LRP1B: variants seen among roughly 807,000 people sequenced by gnomAD.
LRP1B encodes LDL receptor related protein 1B.
A neutral mutation model predicts 556.6 loss-of-function variants in LRP1B; 217 were observed. The observed-to-expected ratio is 0.39, with a 90% CI of 0.35 to 0.44. LRP1B has a LOEUF of 0.44. Among genes scored for constraint, LRP1B ranks in the 20% least tolerant of loss-of-function variants. The pLI, the probability that LRP1B is intolerant of heterozygous loss-of-function variation, is 1.00. For synonymous variants in LRP1B, 2,047 were observed against 1,865.8 expected, an observed-to-expected ratio of 1.10 and a Z score of -2.50; for missense variants, 5,053 against 5,620.8, an observed-to-expected ratio of 0.90 and a Z score of 3.23.
intron 3 of LRP1B, among the ~76,000 whole-genome samples, chr2:141,387,186 TA>T (rs746386606): frequency 3.3e-5 from 5 of 151,840 alleles, no homozygotes; most frequent in Non-Finnish European, 5.9e-5. Flanking sequence ...ATTATGTTCA[TA>T]AGGAAAGTTG....
chr2:141,722,796 C>T (rs1457978718), intron 2 of LRP1B, among the ~76,000 whole-genome samples: 1 of 151,834 alleles, frequency 6.6e-6, no homozygotes, highest in Non-Finnish European at 1.5e-5. Flanking sequence ...ATCACCTGTA[C>T]AGGAATATGG....
chr2:141,558,297 A>G (rs1037158503), intron 2 of LRP1B, among the ~76,000 whole-genome samples: 22 of 151,866 alleles, frequency 1.4e-4, no homozygotes, highest in Non-Finnish European at 7.4e-5. Context: ...ATGTTAGGAA[A>G]GGCTGCTGGT....
intron 41 of LRP1B, among the ~76,000 whole-genome samples, chr2:140,662,044 A>T (rs73961448): frequency 9.9e-5 from 15 of 152,262 alleles, no homozygotes; most frequent in African/African-American, 3.4e-4. Context: ...AACGAACAAG[A>T]ATAAAGTAGC....
At chr2:140,648,302 T>G (rs1684557025) in intron 41 of LRP1B, among the ~76,000 whole-genome samples, 14 of 148,838 alleles carry the variant, frequency 9.4e-5, no homozygotes, top group African/African-American at 1.2e-4. Flanking sequence ...GGTGGGGGAG[T>G]GGGGAGGGAT....
In LRP1B at chr2:142,003,685, G is replaced by GA. The variant is rs369989220; in HGVS notation, c.82+126962dup. 1.9e-3 allele frequency among the ~76,000 whole-genome samples: 289 copies of GA among 152,336 alleles called. 2 individuals are homozygous for GA. The highest frequency in any genetic ancestry group is 6.8e-3 in the African/African-American group (283 of 41,584). On this transcript the variant is annotated intron_variant, in intron 1 of 90. Transcript: ENST00000389484. ...AGGGTGGAATGGAAGAACGAGGGTAGATGTACAAACTAACCCCAAACAGAC... is the reference window on the plus strand; with the variant it reads ...AGGGTGGAATGGAAGAACGAGGGTAGAATGTACAAACTAACCCCAAACAGAC...
At chr2:140,510,336 A>AT (rs1689599445) in intron 51 of LRP1B, among the ~76,000 whole-genome samples, 1 of 152,192 alleles carries the variant, frequency 6.6e-6, no homozygotes, top group Non-Finnish European at 1.5e-5. Flanking sequence ...AAGCATAGAA[A>AT]TGTCATAGAA....
intron 86 of LRP1B, among the ~76,000 whole-genome samples, chr2:140,267,141 CAGTA>C (rs1183664243): frequency 2.0e-5 from 3 of 151,974 alleles, no homozygotes; most frequent in Non-Finnish European, 1.5e-5. Context: ...GGGTTTAACA[CAGTA>C]AGTGGTACAG....
At chr2:141,813,321 A>G (rs1376001187) in intron 1 of LRP1B, among the ~76,000 whole-genome samples, 1 of 152,140 alleles carries the variant, frequency 6.6e-6, no homozygotes, top group East Asian at 1.9e-4. Context: ...CGGTTAGAGT[A>G]TGGAGGCAGG....
chr2:141,125,915 T>TGTGACTG (rs577174420), intron 7 of LRP1B, among the ~76,000 whole-genome samples: 1,527 of 150,134 alleles, frequency 0.01, 12 homozygotes, highest in Non-Finnish European at 0.016. Flanking sequence ...AGCAAAATTC[T>TGTGACTG]GTGATTGTTA....
At chr2:141,366,576 TA>T (rs1296327182) in intron 3 of LRP1B, among the ~76,000 whole-genome samples, 1 of 152,196 alleles carries the variant, frequency 6.6e-6, no homozygotes, top group South Asian at 2.1e-4. Flanking sequence ...TTTTATTAAC[TA>T]AAAAGGCAAA....
At chr2:140,659,108 T>TG (rs1014889875) in intron 41 of LRP1B, among the ~76,000 whole-genome samples, 7 of 131,308 alleles carry the variant, frequency 5.3e-5, no homozygotes, top group Non-Finnish European at 6.5e-5. Flanking sequence ...GTTTTTTTTT[T>TG]TTTTTTTTTT....
chr2:141,274,338 A>AGTATACG (rs1685202846), intron 3 of LRP1B, among the ~76,000 whole-genome samples: 1 of 152,222 alleles, frequency 6.6e-6, no homozygotes, highest in South Asian at 2.1e-4. Context: ...AAACAAAAAG[A>AGTATACG]GGTATATCCA....
At chr2:141,047,317 T>A (rs999835434) in intron 11 of LRP1B, among the ~76,000 whole-genome samples, 1 of 152,070 alleles carries the variant, frequency 6.6e-6, no homozygotes, top group Non-Finnish European at 1.5e-5. Context: ...ATCCGTAAAT[T>A]ATATTAAAGA....
intron 7 of LRP1B, among the ~76,000 whole-genome samples, chr2:141,065,620 T>C (rs897822142): frequency 1.3e-5 from 2 of 151,912 alleles, no homozygotes; most frequent in Non-Finnish European, 2.9e-5. Context: ...AATTAGATTA[T>C]GTTATGCCTT....
intron 7 of LRP1B, among the ~76,000 whole-genome samples, chr2:141,173,758 A>G (rs538462657): frequency 3.2e-4 from 48 of 152,044 alleles, no homozygotes; most frequent in Non-Finnish European, 5.1e-4. Context: ...CAGAAAAAAA[A>G]TGTGGCTCTC....
chr2:141,346,273 G>GT (rs768582865), intron 3 of LRP1B, among the ~76,000 whole-genome samples: 2 of 151,844 alleles, frequency 1.3e-5, no homozygotes, highest in South Asian at 2.1e-4. Flanking sequence ...ACAAAATACT[G>GT]TTTTTTTAAA....
At chr2:141,946,135 C>T (rs570435084) in intron 1 of LRP1B, among the ~76,000 whole-genome samples, 2 of 152,076 alleles carry the variant, frequency 1.3e-5, no homozygotes, top group East Asian at 3.9e-4. Flanking sequence ...TATTTTCCTA[C>T]CCAATTCTCT....
chr2:141,609,029 T>C (rs1688016831), intron 2 of LRP1B, among the ~76,000 whole-genome samples: 1 of 152,220 alleles, frequency 6.6e-6, no homozygotes, highest in South Asian at 2.1e-4. Context: ...TTTTTTGTGC[T>C]ACTCACAATG....
chr2:141,183,473 A>G (rs1253585795), intron 7 of LRP1B, among the ~76,000 whole-genome samples: 1 of 152,008 alleles, frequency 6.6e-6, no homozygotes, highest in South Asian at 2.1e-4. Context: ...AAACTCTTCA[A>G]TACTGTCAAT....
Sources: gnomAD v4.1 joint callset for allele counts (sites outside exome capture counted in the v4.1 genomes callset) on GRCh38, gnomAD v4.1.1 for gene constraint, MANE v1.5 for transcripts, NCBI Gene and HGNC (gene_info 2026-07-23, HGNC 2026-07-21) for gene names.